ZSCAN4: variants seen among roughly 807,000 people sequenced by gnomAD.
The protein encoded by ZSCAN4 is zinc finger and SCAN domain-containing protein 4.
Under a neutral mutation model 18.3 loss-of-function variants are expected in ZSCAN4, and 18 were observed. The observed-to-expected ratio is 0.98, with a 90% CI of 0.68 to 1.46. The LOEUF (loss-of-function observed/expected upper bound fraction) is 1.46. Among genes scored for constraint, ZSCAN4 ranks in the 40% most tolerant of loss-of-function variants. The pLI, the probability that ZSCAN4 is intolerant of heterozygous loss-of-function variation, is 0.00. For synonymous variants in ZSCAN4, 193 were observed against 180.3 expected, an observed-to-expected ratio of 1.07 and a Z score of -0.57; for missense variants, 498 against 511.4, an observed-to-expected ratio of 0.97 and a Z score of 0.25.
At chr19:57,676,223 A>G in exon 3 of ZSCAN4, 1 of 1,614,192 alleles carries the variant, frequency 6.2e-7, no homozygotes, top group Non-Finnish European at 8.5e-7. Context: ...CAGCGTTTCA[A>G]CAAAGCCAAG....
rs547614150 is a variant in ZSCAN4 at position 57,675,122 on chromosome 19, G to A, written c.-105-919G>A. On this transcript the variant is annotated intron_variant, in intron 2 of 4. Coordinates refer to ENST00000318203, the Ensembl canonical transcript of ZSCAN4. ...GGCACGTGCCACCATACCCAGCTAA[G>A]TTTTGTGTGTGCGTGTGGCTTTTTT... 2.7e-3 allele frequency among the ~76,000 whole-genome samples: 356 copies of A among 131,460 alleles called. 2 individuals are homozygous for A. Among genetic ancestry groups the A allele is most frequent in the African/African-American group, 9.3e-3 (336 of 36,136 alleles). The allele number at this position is 131,460 out of a possible 152,430, so 86.2% of individuals were successfully genotyped here.
At chr19:57,657,001 T>A in the ZSCAN4 span, among the ~76,000 whole-genome samples, 13 of 151,826 alleles carry the variant, frequency 8.6e-5, no homozygotes, top group African/African-American at 3.1e-4. Flanking sequence ...ATTCCAACGC[T>A]TTGGGGGGCT....
chr19:57,654,478 G>A, the ZSCAN4 span, among the ~76,000 whole-genome samples: 1 of 152,028 alleles, frequency 6.6e-6, no homozygotes, highest in African/African-American at 2.4e-5. Context: ...TGTCAGCCCA[G>A]TACCTCCTTA....
At chr19:57,651,539 G>C in the ZSCAN4 span, among the ~76,000 whole-genome samples, 2 of 152,178 alleles carry the variant, frequency 1.3e-5, no homozygotes, top group Non-Finnish European at 2.9e-5. Context: ...GTAAGCAGGG[G>C]TGGACTCCAG....
chr19:57,654,349 C>T, the ZSCAN4 span, among the ~76,000 whole-genome samples: 1 of 152,196 alleles, frequency 6.6e-6, no homozygotes, highest in East Asian at 1.9e-4. Context: ...TCTCCCTCAT[C>T]TTCCTTATCC....
chr19:57,677,768 G>C (rs1353841701), intron 3 of ZSCAN4, 146 bp from the exon 4 acceptor site: 1 of 616,126 alleles, frequency 1.6e-6, no homozygotes, highest in Non-Finnish European at 2.6e-6. Flanking sequence ...GTAGTAACAA[G>C]AATAACACCA....
At chr19:57,677,771 T>A in intron 3 of ZSCAN4, 143 bp from the exon 4 acceptor site, 2 of 625,226 alleles carry the variant, frequency 3.2e-6, no homozygotes, top group Non-Finnish European at 5.1e-6. Context: ...GTAACAAGAA[T>A]AACACCATCA....
chr19:57,658,308 C>G, the ZSCAN4 span, among the ~76,000 whole-genome samples: 3 of 152,216 alleles, frequency 2.0e-5, no homozygotes, highest in African/African-American at 7.2e-5. Flanking sequence ...AATGAGTGAT[C>G]CTCAGATCTG....
exon 5 of ZSCAN4, chr19:57,678,222 G>A: frequency 6.2e-7 from 1 of 1,614,180 alleles, no homozygotes; most frequent in Non-Finnish European, 8.5e-7. Context: ...TCGAGTAAAT[G>A]AAAATATTAC....
chr19:57,668,188 G>C (rs926930062), upstream of ZSCAN4, among the ~76,000 whole-genome samples: 2 of 152,108 alleles, frequency 1.3e-5, no homozygotes, highest in Non-Finnish European at 2.9e-5. Flanking sequence ...ACAGGCATGA[G>C]CCACTGCGCC....
the ZSCAN4 span, among the ~76,000 whole-genome samples, chr19:57,663,146 G>A: frequency 2.0e-5 from 3 of 150,356 alleles, no homozygotes; most frequent in African/African-American, 4.9e-5. Flanking sequence ...CAAGTGATCC[G>A]CCCGCCTCGG....
the ZSCAN4 span, among the ~76,000 whole-genome samples, chr19:57,651,502 C>T: frequency 5.4e-4 from 82 of 152,296 alleles, 1 homozygote; most frequent in South Asian, 0.015. Context: ...AGACCTCTCC[C>T]GCCTAGACCT....
chr19:57,678,970 A>G (rs1984281450), exon 5 of ZSCAN4: 17 of 1,450,168 alleles, frequency 1.2e-5, no homozygotes, highest in Non-Finnish European at 1.4e-5. Context: ...GTATTTATCT[A>G]CTTAGGATAT....
chr19:57,675,532 T>G (rs1013923964), intron 2 of ZSCAN4, among the ~76,000 whole-genome samples: 23 of 152,164 alleles, frequency 1.5e-4, no homozygotes, highest in African/African-American at 5.3e-4. Context: ...TCCGCCCTCC[T>G]CGGCCTCCCA....
chr19:57,674,716 G>A (rs1984124468), intron 2 of ZSCAN4, among the ~76,000 whole-genome samples: 1 of 152,006 alleles, frequency 6.6e-6, no homozygotes, highest in Non-Finnish European at 1.5e-5. Context: ...TCTATTTTTA[G>A]TTCTCTGAGA....
chr19:57,662,286 G>A, the ZSCAN4 span, among the ~76,000 whole-genome samples: 2 of 151,448 alleles, frequency 1.3e-5, no homozygotes, highest in African/African-American at 2.4e-5. Flanking sequence ...AACATTTTAT[G>A]TTTTTATTTT....
chr19:57,665,557 C>G (rs2122277839), upstream of ZSCAN4, among the ~76,000 whole-genome samples: 1 of 152,234 alleles, frequency 6.6e-6, no homozygotes, highest in East Asian at 1.9e-4. Flanking sequence ...CAGTCTGCAC[C>G]TGTCAGCTCC....
At chr19:57,654,097 C>T in the ZSCAN4 span, among the ~76,000 whole-genome samples, 4 of 152,188 alleles carry the variant, frequency 2.6e-5, no homozygotes, top group Non-Finnish European at 5.9e-5. Context: ...TTCTGGACCT[C>T]TCCTCAGTTC....
chr19:57,666,124 C>A (rs890748908), upstream of ZSCAN4, among the ~76,000 whole-genome samples: 1 of 152,122 alleles, frequency 6.6e-6, no homozygotes, highest in South Asian at 2.1e-4. Flanking sequence ...TAAAAAGGAA[C>A]CATATCAGAT....
Sources: allele counts gnomAD v4.1 joint callset (sites outside exome capture counted in the v4.1 genomes callset), GRCh38; gene constraint gnomAD v4.1.1; transcripts MANE v1.5; gene names NCBI Gene and HGNC (gene_info 2026-07-23, HGNC 2026-07-21).